The following FBXO41 variants were observed in gnomAD, a reference collection of about 807,000 sequenced individuals.
FBXO41 encodes the protein F-box only protein 41.
A neutral mutation model predicts 81.6 loss-of-function variants in FBXO41; 33 were observed. That is an observed-to-expected ratio of 0.40 (90% CI 0.31 to 0.54). The LOEUF (loss-of-function observed/expected upper bound fraction) is 0.54, where lower values mean the gene tolerates loss of function less well. Ranked by LOEUF, FBXO41 falls within the 20% of genes least tolerant of loss-of-function variation. The pLI is 0.39. For synonymous variants in FBXO41, 576 were observed against 552.7 expected, an observed-to-expected ratio of 1.04 and a Z score of -0.59; for missense variants, 1,107 against 1,236.0, an observed-to-expected ratio of 0.90 and a Z score of 1.56.
Position 73,258,721 on chromosome 2 carries a change from G to A in FBXO41, c.*261C>T. 2.2e-6 allele frequency: 1 copy of A among 456,242 alleles called. No individual in the cohort carries two copies. Among genetic ancestry groups the A allele is most frequent in the Non-Finnish European group, 3.9e-6 (1 of 258,354 alleles). 28.3% of individuals were successfully genotyped at this position (456,242 alleles called of 1,614,324 possible). On this transcript the variant is annotated 3_prime_UTR_variant, in exon 13 of 13. Transcript: ENST00000520530. ...GTGGTGACAGCTCCTCACTGGCTGT[G>A]CCAGAGGCTACTCCAGCCGGGGTAG... is the stretch of plus-strand genomic sequence containing the variant.
At chr2:73,272,486 G>C (rs576882601) in intron 1 of FBXO41, among the ~76,000 whole-genome samples, 1 of 152,366 alleles carries the variant, frequency 6.6e-6, no homozygotes, top group East Asian at 1.9e-4. Flanking sequence ...GGCCTGACAG[G>C]TACTCAACTC....
At chr2:73,278,373 G>C (rs915030716) in intron 1 of FBXO41, among the ~76,000 whole-genome samples, 2 of 152,212 alleles carry the variant, frequency 1.3e-5, no homozygotes, top group Non-Finnish European at 2.9e-5. Context: ...TTGCAATCAA[G>C]TGTCCTAACT....
chr2:73,280,564 A>G (rs535122069), intron 1 of FBXO41, among the ~76,000 whole-genome samples: 1 of 152,178 alleles, frequency 6.6e-6, no homozygotes, highest in Non-Finnish European at 1.5e-5. Flanking sequence ...ATTTTGCTCC[A>G]TGGGGAAATG....
chr2:73,283,744 C>T (rs1361726185), intron 1 of FBXO41, among the ~76,000 whole-genome samples: 1 of 152,240 alleles, frequency 6.6e-6, no homozygotes, highest in African/African-American at 2.4e-5. Flanking sequence ...GACACCCGCA[C>T]AGGTGCCCAG....
Position 73,268,883 on chromosome 2 carries a change from TCTCCAGTTCGGCCGCCTTGCG to T in FBXO41, c.727_747del (p.Arg243_Glu249del), listed in dbSNP as rs1465924990. The T allele has an allele frequency of 1.9e-6, 3 of 1,558,248 alleles. No individual in the cohort carries two copies. The highest frequency in any genetic ancestry group is 4.8e-5 in the East Asian group (2 of 41,440). Reference sequence around the variant, plus strand: ...AGCCTCGCACTCTCCTGCCGCGCAGTCTCCAGTTCGGCCGCCTTGCGCTCCAGCTCGGCCTGCAGCCGGCCC... The same window carrying T: ...AGCCTCGCACTCTCCTGCCGCGCAGTCTCCAGCTCGGCCTGCAGCCGGCCC... On this transcript the variant is annotated inframe_deletion, in exon 2 of 13. Coordinates refer to ENST00000520530, the MANE Select transcript of FBXO41 (RefSeq NM_001371389.2).
chr2:73,277,844 T>A (rs1688740736), intron 1 of FBXO41, among the ~76,000 whole-genome samples: 2 of 152,246 alleles, frequency 1.3e-5, no homozygotes, highest in Non-Finnish European at 2.9e-5. Flanking sequence ...CAGTGGGCAT[T>A]ACGATTTTCA....
intron 9 of FBXO41, among the ~76,000 whole-genome samples, chr2:73,261,575 A>G (rs1462892871): frequency 2.0e-5 from 3 of 152,202 alleles, no homozygotes; most frequent in Non-Finnish European, 2.9e-5. Flanking sequence ...ACCCTCAAAG[A>G]GTGGACAGTC....
At chr2:73,283,894 C>A (rs1170750181) in intron 1 of FBXO41, among the ~76,000 whole-genome samples, 1 of 152,108 alleles carries the variant, frequency 6.6e-6, no homozygotes, top group Non-Finnish European at 1.5e-5. Flanking sequence ...CTGGAGCCCG[C>A]CCCCGCCCCA....
rs112308492 is a variant in FBXO41, at chr2:73,265,473, C to T, written c.1373G>A (p.Arg458His). Residue 458 changes from arginine to histidine, a missense_variant, in exon 5 of 13, where the codon CGC becomes CAC. By Grantham distance (29) the Arg-to-His change is conservative (BLOSUM62 0). This residue lies in a region of FBXO41 where 771 missense variants were observed against 789.2 expected (regional missense o/e 0.98). Coordinates refer to ENST00000520530, the MANE Select transcript of FBXO41 (RefSeq NM_001371389.2). The part of the protein sequence containing the change: ...NGGSERSQPP[R>H]SSGLRRQAIQ... ...GGCCTGGCGCCGCAGGCCTGAGCTGCGAGGGGGCTGGGACCGCTCTGAGCC... is the reference window on the plus strand; with the variant it reads ...GGCCTGGCGCCGCAGGCCTGAGCTGTGAGGGGGCTGGGACCGCTCTGAGCC... 4 of 1,603,314 alleles carry T rather than the reference C, an allele frequency of 2.5e-6. No homozygotes were observed. Among genetic ancestry groups the T allele is most frequent in the Non-Finnish European group, 2.5e-6 (3 of 1,178,210 alleles).
At chr2:73,276,375 C>G (rs1160678941) in intron 1 of FBXO41, among the ~76,000 whole-genome samples, 1 of 151,572 alleles carries the variant, frequency 6.6e-6, no homozygotes, top group Non-Finnish European at 1.5e-5. Context: ...CCATTGCACT[C>G]CAGCCTGGGC....
At chr2:73,278,150 A>G (rs1688748675) in intron 1 of FBXO41, among the ~76,000 whole-genome samples, 1 of 152,174 alleles carries the variant, frequency 6.6e-6, no homozygotes, top group Admixed American at 6.5e-5. Flanking sequence ...GAAGCTGTCT[A>G]TGGCCTTGTG....
chr2:73,277,012 G>A (rs1223000041), intron 1 of FBXO41, among the ~76,000 whole-genome samples: 1 of 152,234 alleles, frequency 6.6e-6, no homozygotes, highest in Non-Finnish European at 1.5e-5. Context: ...GGCCCCAGAA[G>A]TAGCCAGCCT....
At chr2:73,279,952 G>C (rs1257030093) in intron 1 of FBXO41, among the ~76,000 whole-genome samples, 1 of 152,160 alleles carries the variant, frequency 6.6e-6, no homozygotes, top group African/African-American at 2.4e-5. Flanking sequence ...TAGACAGGGA[G>C]AGGATGAAAA....
At position 73,268,854 on chromosome 2, in the gene FBXO41, C is replaced by T. The variant is rs769254990; in HGVS notation, c.777G>A (p.Gly259=). ...GCTCCTCCAGCTCCTCCTTCTCGCG[C>T]CCGAGCCTCGCACTCTCCTGCCGCG... is the stretch of plus-strand genomic sequence containing the variant. ...ETARQESARL[G]REKEELEERA... The change falls in exon 2 of 13, where the codon GGG becomes GGA. Residue 259 remains glycine, a synonymous_variant. Coordinates refer to ENST00000520530, the MANE Select transcript of FBXO41 (RefSeq NM_001371389.2). 8 of 1,569,040 alleles carry T rather than the reference C, an allele frequency of 5.1e-6. No homozygotes were observed. Among genetic ancestry groups the T allele is most frequent in the East Asian group, 2.4e-5 (1 of 41,836 alleles).
chr2:73,262,176 T>C (rs1286557345), intron 9 of FBXO41, among the ~76,000 whole-genome samples: 1 of 151,682 alleles, frequency 6.6e-6, no homozygotes, highest in East Asian at 1.9e-4. Flanking sequence ...TAAGCTGAGA[T>C]TGCACCACTG....
chr2:73,264,881 G>A (rs1371349057), intron 5 of FBXO41, among the ~76,000 whole-genome samples: 2 of 152,090 alleles, frequency 1.3e-5, no homozygotes, highest in Non-Finnish European at 2.9e-5. Flanking sequence ...GGGCTGCCCA[G>A]AAGATGGGGT....
chr2:73,255,222 G>C lies in FBXO41; in HGVS notation c.*3760C>G, dbSNP rs1687763051. 1 of 152,632 alleles carries C rather than the reference G, an allele frequency of 6.6e-6. No individual in the cohort carries two copies. Among genetic ancestry groups the C allele is most frequent in the Non-Finnish European group, 1.5e-5 (1 of 68,050 alleles). 9.5% of individuals were successfully genotyped at this position (152,632 alleles called of 1,614,324 possible). On this transcript the variant is annotated 3_prime_UTR_variant, in exon 13 of 13. Coordinates refer to ENST00000520530, the MANE Select transcript of FBXO41 (RefSeq NM_001371389.2). Reference sequence around the variant, plus strand: ...CAGAGGAGGCTTGGCCTCACGGTGGGGAGCCTGCCTGATTGTCAGGGCAGC... The same window carrying C: ...CAGAGGAGGCTTGGCCTCACGGTGGCGAGCCTGCCTGATTGTCAGGGCAGC...
At chr2:73,275,190 T>G (rs1470719598) in intron 1 of FBXO41, among the ~76,000 whole-genome samples, 1 of 145,332 alleles carries the variant, frequency 6.9e-6, no homozygotes, top group Non-Finnish European at 1.5e-5. Context: ...CGCCCGGCCC[T>G]TTTTTTTAAG....
chr2:73,276,589 A>AGAGAGAG (rs1688691149), intron 1 of FBXO41, among the ~76,000 whole-genome samples: 2 of 134,196 alleles, frequency 1.5e-5, no homozygotes, highest in African/African-American at 6.6e-5. Context: ...AGAGAGAGAG[A>AGAGAGAG]GAGAGAGAGA....
Sources: allele counts gnomAD v4.1 joint callset (sites outside exome capture counted in the v4.1 genomes callset), GRCh38; gene constraint gnomAD v4.1.1; regional missense constraint gnomAD v4.1.1; transcripts MANE v1.5; gene names NCBI Gene and HGNC (gene_info 2026-07-23, HGNC 2026-07-21).